WDR35: variants seen among roughly 807,000 people sequenced by gnomAD.
The protein encoded by WDR35 is WD repeat domain 35.
In WDR35, 118 loss-of-function variants were observed where a neutral mutation model predicts 158.3. The ratio of observed to expected loss-of-function variants is 0.75; its 90% CI spans 0.64 to 0.87. WDR35 has a LOEUF of 0.87. Ranked by LOEUF, WDR35 falls within the 40% of genes least tolerant of loss-of-function variation. The pLI is 0.00. For synonymous variants in WDR35, 448 were observed against 476.1 expected, an observed-to-expected ratio of 0.94 and a Z score of 0.77; for missense variants, 1,263 against 1,405.8, an observed-to-expected ratio of 0.90 and a Z score of 1.62.
At chr2:19,936,108 T>C (rs1670683911) in intron 20 of WDR35, 111 bp downstream of exon 20, 2 of 1,513,496 alleles carry the variant, frequency 1.3e-6, no homozygotes, top group Admixed American at 1.9e-5. Flanking sequence ...ATCTGAATTT[T>C]AGAATTCAAG....
Position 19,937,775 on chromosome 2 carries a change from CT to C in WDR35, c.2234del (p.Glu745GlyfsTer20). 6.2e-7 allele frequency: 1 copy of C among 1,614,142 alleles called. No individual in the cohort carries two copies. Among genetic ancestry groups the C allele is most frequent in the Non-Finnish European group, 8.5e-7 (1 of 1,180,000 alleles). On this transcript the variant is annotated frameshift_variant, in exon 19 of 27. Transcript: ENST00000281405. LOFTEE classifies it high-confidence loss of function. ...EVVGYFGRFE[E>X]AERTYLEMDR... The stretch of plus-strand genomic sequence containing the variant: ...CCATCTCGAGATACGTTCTTTCAGC[CT>C]CTTCAAACCTGCCGAAGTAGCCAAC...
chr2:19,928,071 G>A (rs953514648), intron 25 of WDR35, among the ~76,000 whole-genome samples: 1 of 152,198 alleles, frequency 6.6e-6, no homozygotes, highest in African/African-American at 2.4e-5. Flanking sequence ...AATCTCAGCA[G>A]CACTGTGACA....
chr2:19,930,453 A>C lies in WDR35; in HGVS notation c.3064T>G (p.Phe1022Val). 6.2e-7 allele frequency: 1 copy of C among 1,614,190 alleles called. No homozygotes were observed. Among genetic ancestry groups the C allele is most frequent in the African/African-American group, 1.3e-5 (1 of 75,056 alleles). Residue 1022 changes from phenylalanine to valine, a missense_variant, in exon 25 of 27, where the codon TTT becomes GTT. By Grantham distance (50) the Phe-to-Val change is conservative (BLOSUM62 -1). Transcript: ENST00000281405. ...TAGAGCTGCCTCTGTGCAAGTATAA[A>C]GAAGTGGTAAGCCTCTGCCCCTCTC... is the stretch of plus-strand genomic sequence containing the variant. The part of the protein sequence containing the change: ...AWRGAEAYHF[F>V]ILAQRQLYEG...
chr2:19,937,949 T>G lies in WDR35; in HGVS notation c.2064-3A>C, dbSNP rs771759184. The G allele has an allele frequency of 6.2e-7, 1 of 1,613,852 alleles. No homozygotes were observed. Among genetic ancestry groups the G allele is most frequent in the African/African-American group, 1.3e-5 (1 of 74,916 alleles). Reference sequence around the variant, plus strand: ...GAGCTGCTTCAGCCAGTAGGCGCCTTTATTTTAAAAGAAACAAAAACATAA... The same window carrying G: ...GAGCTGCTTCAGCCAGTAGGCGCCTGTATTTTAAAAGAAACAAAAACATAA... On this transcript the variant is annotated splice_region_variant and splice_polypyrimidine_tract_variant and intron_variant, in intron 18 of 26. Coordinates refer to ENST00000281405, the MANE Select transcript of WDR35 (RefSeq NM_020779.4).
intron 16 of WDR35, among the ~76,000 whole-genome samples, chr2:19,943,636 G>T (rs1670945087): frequency 6.6e-6 from 1 of 151,994 alleles, no homozygotes; most frequent in Non-Finnish European, 1.5e-5. Flanking sequence ...GTACAAAAAT[G>T]AGTCTGATTG....
chr2:19,929,677 T>C (rs915089912), intron 25 of WDR35, among the ~76,000 whole-genome samples: 1 of 152,230 alleles, frequency 6.6e-6, no homozygotes, highest in Non-Finnish European at 1.5e-5. Flanking sequence ...AGAATGTTTA[T>C]ATAGATCTCT....
intron 9 of WDR35, among the ~76,000 whole-genome samples, chr2:19,967,135 T>C (rs1671881782): frequency 1.3e-5 from 2 of 152,202 alleles, no homozygotes. Flanking sequence ...ATTTAGTTTG[T>C]CTAACTTTCC....
chr2:19,923,426 C>T (rs1306716368), intron 25 of WDR35, among the ~76,000 whole-genome samples: 21 of 152,150 alleles, frequency 1.4e-4, no homozygotes, highest in Admixed American at 1.4e-3. Context: ...AAAGTGTGGG[C>T]TGTGGTTCGT....
chr2:19,982,479 A>C lies in WDR35; in HGVS notation c.198T>G (p.Thr66=), dbSNP rs1366187027. 5.6e-6 allele frequency: 9 copies of C among 1,613,774 alleles called. No homozygotes were observed. The highest frequency in any genetic ancestry group is 6.8e-6 in the Non-Finnish European group (8 of 1,179,872). ...ATGACTCACCACTATGACCTTCAAG[A>C]GTCTGATTCATAGAAAGGTTACTGG... ...AAPSNLSMNQ[T]LEGHSGSVQV... The change falls in exon 3 of 27, where the codon ACT becomes ACG. Residue 66 remains threonine (T), a synonymous_variant. Transcript: ENST00000281405.
At chr2:19,947,069 G>A (rs1410975221) in intron 14 of WDR35, among the ~76,000 whole-genome samples, 1 of 152,042 alleles carries the variant, frequency 6.6e-6, no homozygotes, top group Non-Finnish European at 1.5e-5. Flanking sequence ...CTGAATGCAG[G>A]GATACTATGA....
chr2:19,964,214 AC>A (rs1055746766), intron 10 of WDR35, among the ~76,000 whole-genome samples: 1 of 152,084 alleles, frequency 6.6e-6, no homozygotes, highest in Non-Finnish European at 1.5e-5. Context: ...CTGAAATTCT[AC>A]AATGATGTGT....
intron 7 of WDR35, 51 bp from the exon 8 acceptor site, chr2:19,973,759 A>G (rs757833912): frequency 5.7e-6 from 9 of 1,572,628 alleles, no homozygotes; most frequent in Non-Finnish European, 7.8e-6. Flanking sequence ...CGTAGCCTAG[A>G]GAACTTTATA....
chr2:19,946,269 A>G (rs1671049342), intron 15 of WDR35, among the ~76,000 whole-genome samples, 192 bp downstream of exon 15: 1 of 152,214 alleles, frequency 6.6e-6, no homozygotes, highest in African/African-American at 2.4e-5. Flanking sequence ...AGAGTAAAAA[A>G]TTATACTAGT....
intron 24 of WDR35, 117 bp from the exon 25 acceptor site, chr2:19,930,669 A>G (rs1255556483): frequency 6.8e-7 from 1 of 1,460,624 alleles, no homozygotes; most frequent in Non-Finnish European, 9.4e-7. Flanking sequence ...TTACAAAACT[A>G]TGATTACAGA....
At chr2:19,951,237 T>C (rs1379635998) in intron 13 of WDR35, among the ~76,000 whole-genome samples, 178 bp downstream of exon 13, 4 of 152,162 alleles carry the variant, frequency 2.6e-5, no homozygotes, top group Non-Finnish European at 5.9e-5. Context: ...CCATCTTTAT[T>C]TTAGTTCAAG....
intron 2 of WDR35, among the ~76,000 whole-genome samples, chr2:19,984,836 A>C (rs939035061): frequency 6.6e-6 from 1 of 152,210 alleles, no homozygotes; most frequent in African/African-American, 2.4e-5. Context: ...ACATGCTGCA[A>C]AATAAGCTTG....
intron 26 of WDR35, 39 bp from the exon 27 acceptor site, chr2:19,913,747 C>T: frequency 6.2e-7 from 1 of 1,613,500 alleles, no homozygotes; most frequent in Non-Finnish European, 8.5e-7. Flanking sequence ...TACTTTAAAA[C>T]TTCTCATTAG....
intron 25 of WDR35, among the ~76,000 whole-genome samples, chr2:19,926,554 G>C (rs1558325123): frequency 6.6e-6 from 1 of 152,192 alleles, no homozygotes; most frequent in Non-Finnish European, 1.5e-5. Context: ...ATGAACAACT[G>C]ATGACAAAAA....
At chr2:19,944,946 A>T (rs1572336296) in intron 16 of WDR35, among the ~76,000 whole-genome samples, 1 of 152,310 alleles carries the variant, frequency 6.6e-6, no homozygotes, top group East Asian at 1.9e-4. Context: ...GATATAAAGC[A>T]TTTATTAACT....
Sources: gnomAD v4.1 joint callset for allele counts (sites outside exome capture counted in the v4.1 genomes callset) on GRCh38, gnomAD v4.1.1 for gene constraint, MANE v1.5 for transcripts, NCBI Gene and HGNC (gene_info 2026-07-23, HGNC 2026-07-21) for gene names.